Variants in ROBO2 observed in about 807,000 individuals in gnomAD.
ROBO2 encodes roundabout homolog 2.
Under a neutral mutation model 160.8 loss-of-function variants are expected in ROBO2, and 53 were observed. That is an observed-to-expected ratio of 0.33 (90% confidence interval 0.26 to 0.41). The LOEUF (loss-of-function observed/expected upper bound fraction) is 0.41. ROBO2 is among the 10% of genes least tolerant of loss of function. The probability of loss-of-function intolerance (pLI) is 1.00; values close to 1 mark genes in which losing one functional copy is unlikely to be tolerated. For missense variants in ROBO2, 1,577 were observed against 1,722.4 expected, an observed-to-expected ratio of 0.92 and a Z score of 1.49; for synonymous variants, 664 against 611.7, an observed-to-expected ratio of 1.09 and a Z score of -1.26.
intron 2 of ROBO2, among the ~76,000 whole-genome samples, chr3:77,419,253 A>G (rs1310447136): frequency 6.6e-6 from 1 of 152,056 alleles, no homozygotes; most frequent in East Asian, 1.9e-4. Flanking sequence ...GACCTATCTA[A>G]TAGAATAATA....
chr3:76,254,383 T>C (rs1405148172), intron 2 of ROBO2, among the ~76,000 whole-genome samples: 1 of 152,090 alleles, frequency 6.6e-6, no homozygotes, highest in Admixed American at 6.6e-5. Context: ...GTTTATATGA[T>C]CAACACACTC....
At chr3:77,479,758 G>A (rs1255538264) in intron 3 of ROBO2, among the ~76,000 whole-genome samples, 1 of 152,074 alleles carries the variant, frequency 6.6e-6, no homozygotes, top group Non-Finnish European at 1.5e-5. Flanking sequence ...AAGGTGTGCT[G>A]GCAGCTGAAT....
At chr3:77,315,607 G>T (rs903279172) in intron 2 of ROBO2, among the ~76,000 whole-genome samples, 1 of 152,126 alleles carries the variant, frequency 6.6e-6, no homozygotes, top group East Asian at 1.9e-4. Flanking sequence ...TTATTCAACT[G>T]CTAGTGAAAG....
chr3:77,617,973 A>G (rs374596623), intron 22 of ROBO2, 200 bp downstream of exon 23: 4 of 569,760 alleles, frequency 7.0e-6, no homozygotes, highest in African/African-American at 4.1e-5. Flanking sequence ...AACTAGAACT[A>G]GAACTGGAAC....
chr3:76,495,669 A>G (rs2080109605), intron 2 of ROBO2, among the ~76,000 whole-genome samples: 1 of 152,172 alleles, frequency 6.6e-6, no homozygotes, highest in Admixed American at 6.6e-5. Flanking sequence ...ATGGACAACA[A>G]GGTATGCTAT....
At chr3:77,281,120 C>T (rs1199397562) in intron 2 of ROBO2, among the ~76,000 whole-genome samples, 1 of 152,160 alleles carries the variant, frequency 6.6e-6, no homozygotes, top group Non-Finnish European at 1.5e-5. Context: ...TTACACTTTG[C>T]AACATACTAG....
intron 1 of ROBO2, among the ~76,000 whole-genome samples, chr3:77,071,812 C>A (rs1419398875): frequency 6.6e-6 from 1 of 152,172 alleles, no homozygotes; most frequent in Admixed American, 6.5e-5. Flanking sequence ...AGGCTGAGCC[C>A]TGTCCTGTGG....
At chr3:77,321,795 T>G (rs552112512) in intron 2 of ROBO2, among the ~76,000 whole-genome samples, 4 of 150,780 alleles carry the variant, frequency 2.7e-5, no homozygotes, top group Non-Finnish European at 5.9e-5. Flanking sequence ...CCGAGAACTG[T>G]GCAAAGAGAT....
At chr3:76,018,082 T>G (rs1335464145) in intron 2 of ROBO2, among the ~76,000 whole-genome samples, 1 of 152,020 alleles carries the variant, frequency 6.6e-6, no homozygotes, top group Non-Finnish European at 1.5e-5. Flanking sequence ...AGGGGTATGC[T>G]TTGAAATACT....
chr3:76,499,402 C>T (rs1227872371), intron 2 of ROBO2, among the ~76,000 whole-genome samples: 2 of 152,188 alleles, frequency 1.3e-5, no homozygotes, highest in South Asian at 4.1e-4. Flanking sequence ...CAGCCCTAAG[C>T]TTTGCTTCTC....
chr3:77,377,319 T>C (rs1160911251), intron 2 of ROBO2, among the ~76,000 whole-genome samples: 1 of 152,202 alleles, frequency 6.6e-6, no homozygotes, highest in Admixed American at 6.5e-5. Flanking sequence ...AGTTTCTTGG[T>C]TATTCCTCCT....
At chr3:77,169,824 C>T (rs1202777941) in intron 2 of ROBO2, among the ~76,000 whole-genome samples, 1 of 151,998 alleles carries the variant, frequency 6.6e-6, no homozygotes, top group Non-Finnish European at 1.5e-5. Flanking sequence ...TTGGGGATTA[C>T]AATAGAAACA....
chr3:76,430,354 CAT>C (rs1401956730), intron 2 of ROBO2, among the ~76,000 whole-genome samples: 3 of 152,140 alleles, frequency 2.0e-5, no homozygotes, highest in Non-Finnish European at 2.9e-5. Flanking sequence ...TATGAAAACA[CAT>C]AGTCATTTAG....
intron 2 of ROBO2, among the ~76,000 whole-genome samples, chr3:76,659,220 AATTAT>A (rs1417731631): frequency 3.3e-5 from 5 of 150,822 alleles, no homozygotes; most frequent in Non-Finnish European, 5.9e-5. Context: ...ATTGTAATGC[AATTAT>A]ATTATATTAT....
intron 2 of ROBO2, among the ~76,000 whole-genome samples, chr3:76,445,296 G>C (rs1483256301): frequency 6.6e-6 from 1 of 152,144 alleles, no homozygotes; most frequent in Non-Finnish European, 1.5e-5. Context: ...AATGGAAAGT[G>C]TGTATTTTCT....
chr3:76,321,950 A>G (rs2072564344), intron 2 of ROBO2, among the ~76,000 whole-genome samples: 2 of 151,846 alleles, frequency 1.3e-5, no homozygotes, highest in Non-Finnish European at 2.9e-5. Flanking sequence ...AAGCAATCAC[A>G]CAGAATCATG....
chr3:75,921,021 C>G (rs1226684410), intron 1 of ROBO2, among the ~76,000 whole-genome samples: 3 of 151,982 alleles, frequency 2.0e-5, no homozygotes, highest in African/African-American at 7.2e-5. Flanking sequence ...GGGCATTTAG[C>G]CCATGTATAT....
chr3:76,074,986 G>C (rs9853890), intron 2 of ROBO2, among the ~76,000 whole-genome samples: 95,437 of 151,936 alleles, frequency 0.63, 30,619 homozygotes, highest in Middle Eastern at 0.75. Flanking sequence ...ATACTTGGGG[G>C]ATGAGACCTA....
intron 2 of ROBO2, among the ~76,000 whole-genome samples, chr3:77,108,438 AC>A (rs1292998515): frequency 1.3e-5 from 2 of 152,098 alleles, no homozygotes; most frequent in East Asian, 3.9e-4. Flanking sequence ...CCTTGGCCTC[AC>A]GAAGTGCTAG....
Sources: allele counts gnomAD v4.1 joint callset (sites outside exome capture counted in the v4.1 genomes callset), GRCh38; gene constraint gnomAD v4.1.1; transcripts MANE v1.5; gene names NCBI Gene and HGNC (gene_info 2026-07-23, HGNC 2026-07-21).